SBF2: variants seen among roughly 807,000 people sequenced by gnomAD.
SBF2 encodes the protein myotubularin-related protein 13.
SBF2 carries 112 observed loss-of-function variants against 225.2 expected under a neutral mutation model. That is an observed-to-expected ratio of 0.50 (90% CI 0.43 to 0.58). The LOEUF (loss-of-function observed/expected upper bound fraction) is 0.58, where lower values mean the gene tolerates loss of function less well. Among genes scored for constraint, SBF2 ranks in the 20% least tolerant of loss-of-function variants. The pLI, the probability that SBF2 is intolerant of heterozygous loss-of-function variation, is 0.00. For missense variants in SBF2, 1,996 were observed against 2,206.2 expected, an observed-to-expected ratio of 0.90 and a Z score of 1.91; for synonymous variants, 763 against 773.3, an observed-to-expected ratio of 0.99 and a Z score of 0.22.
intron 6 of SBF2, among the ~76,000 whole-genome samples, chr11:10,009,672 G>C (rs1340097648): frequency 6.6e-6 from 1 of 152,166 alleles, no homozygotes; most frequent in African/African-American, 2.4e-5. Context: ...ATGGACATTT[G>C]GGTGGGTTCC....
intron 16 of SBF2, among the ~76,000 whole-genome samples, chr11:9,941,603 A>G (rs1440654184): frequency 6.6e-6 from 1 of 152,236 alleles, no homozygotes; most frequent in Non-Finnish European, 1.5e-5. Context: ...AAAGCATTTC[A>G]TAAAACTGAC....
At chr11:10,242,778 C>T (rs771244501) in intron 1 of SBF2, among the ~76,000 whole-genome samples, 16 of 151,558 alleles carry the variant, frequency 1.1e-4, no homozygotes, top group Non-Finnish European at 1.9e-4. Context: ...AAAGGGAAAA[C>T]TGAATACAGG....
intron 15 of SBF2, 137 bp from the exon 16 acceptor site, chr11:9,962,243 A>G: frequency 1.5e-6 from 1 of 665,706 alleles, no homozygotes; most frequent in Admixed American, 2.6e-5. Flanking sequence ...CTCCTAGGGA[A>G]TAGGTGATTT....
intron 1 of SBF2, among the ~76,000 whole-genome samples, chr11:10,235,508 CA>C (rs1959033096): frequency 7.6e-6 from 1 of 132,012 alleles, no homozygotes. Flanking sequence ...GCCTGGGCAA[CA>C]AGAGCAAGAC....
chr11:10,129,843 C>A (rs78704144), intron 2 of SBF2, among the ~76,000 whole-genome samples: 11,538 of 151,784 alleles, frequency 0.076, 622 homozygotes, highest in East Asian at 0.28. Context: ...CATCTCTAAA[C>A]AAACAAACAA....
intron 2 of SBF2, among the ~76,000 whole-genome samples, chr11:10,061,896 G>A (rs1053629433): frequency 2.0e-5 from 3 of 152,158 alleles, no homozygotes; most frequent in African/African-American, 7.2e-5. Flanking sequence ...GCAAATCTCA[G>A]CAAAAAGAGC....
chr11:9,934,739 T>C (rs1236664167), intron 16 of SBF2, among the ~76,000 whole-genome samples: 2 of 152,150 alleles, frequency 1.3e-5, no homozygotes, highest in African/African-American at 4.8e-5. Flanking sequence ...GAAAAGGCCT[T>C]TGACAAAATT....
rs147879391 is a variant in SBF2, at chr11:9,790,490, T to G, written c.4698+66A>C. On this transcript the variant is annotated intron_variant, in intron 34 of 39. Transcript: ENST00000256190. ...AAAAAGCTTAAACTGCTTATATATG[T>G]TAAAACTAAGGAAAACCTTAACACA... The G allele has an allele frequency of 1.2e-4, 172 of 1,408,442 alleles. 1 individual carries two copies. In the African/African-American group the frequency reaches 2.0e-3, roughly 17 times the overall value. 87.2% of individuals were successfully genotyped at this position (1,408,442 alleles called of 1,614,324 possible).
intron 2 of SBF2, among the ~76,000 whole-genome samples, chr11:10,192,096 A>G (rs934206263): frequency 3.9e-5 from 6 of 152,160 alleles, no homozygotes; most frequent in African/African-American, 1.4e-4. Context: ...CAATCACACT[A>G]AAAGGGACAT....
chr11:9,990,837 G>A (rs1227636065), intron 12 of SBF2, among the ~76,000 whole-genome samples: 1 of 152,168 alleles, frequency 6.6e-6, no homozygotes, highest in Non-Finnish European at 1.5e-5. Flanking sequence ...AACGACTTTG[G>A]GAGAGTTTGG....
chr11:9,951,709 T>G (rs911364892), intron 16 of SBF2, among the ~76,000 whole-genome samples: 2 of 152,210 alleles, frequency 1.3e-5, no homozygotes, highest in African/African-American at 4.8e-5. Flanking sequence ...TGAGATTATC[T>G]GAGGCAGTAC....
intron 1 of SBF2, among the ~76,000 whole-genome samples, chr11:10,214,840 T>C (rs1958070095): frequency 6.6e-6 from 1 of 152,200 alleles, no homozygotes; most frequent in South Asian, 2.1e-4. Flanking sequence ...ATCTATTTAA[T>C]GGTCCAGGAT....
chr11:9,934,845 T>C (rs1329972508), intron 16 of SBF2, among the ~76,000 whole-genome samples: 1 of 152,082 alleles, frequency 6.6e-6, no homozygotes, highest in East Asian at 1.9e-4. Context: ...CCACAGCCAA[T>C]ATCATACTGA....
At chr11:9,877,329 GATA>G (rs1859339061) in intron 17 of SBF2, among the ~76,000 whole-genome samples, 2 of 152,094 alleles carry the variant, frequency 1.3e-5, no homozygotes, top group Non-Finnish European at 2.9e-5. Flanking sequence ...CTCATTAAGA[GATA>G]ATATTTTTAA....
At chr11:10,213,953 C>T (rs779306903) in intron 1 of SBF2, among the ~76,000 whole-genome samples, 2 of 152,134 alleles carry the variant, frequency 1.3e-5, no homozygotes, top group African/African-American at 2.4e-5. Context: ...GACTCTGAAC[C>T]CGATTTAGAC....
chr11:10,289,889 G>A (rs372725305), intron 1 of SBF2, among the ~76,000 whole-genome samples: 2 of 152,000 alleles, frequency 1.3e-5, no homozygotes, highest in Admixed American at 6.5e-5. Flanking sequence ...GGGAGGCTCC[G>A]GGCCTGAGGG....
At chr11:9,963,988 C>T (rs1866743622) in intron 14 of SBF2, 106 bp from the exon 15 acceptor site, 1 of 689,756 alleles carries the variant, frequency 1.4e-6, no homozygotes, top group Non-Finnish European at 2.5e-6. Context: ...TGGAGGCTCA[C>T]ACCCGTAATC....
intron 2 of SBF2, among the ~76,000 whole-genome samples, chr11:10,134,872 G>A (rs1954273953): frequency 6.6e-6 from 1 of 152,176 alleles, no homozygotes; most frequent in Admixed American, 6.5e-5. Flanking sequence ...CTACCATTCT[G>A]GGATCTGGAG....
intron 1 of SBF2, among the ~76,000 whole-genome samples, chr11:10,233,144 T>G (rs983541742): frequency 1.3e-5 from 2 of 152,244 alleles, no homozygotes; most frequent in African/African-American, 4.8e-5. Context: ...CTAATTTTCA[T>G]ATCTTTTCAT....
Sources: gnomAD v4.1 joint callset for allele counts (sites outside exome capture counted in the v4.1 genomes callset) on GRCh38, gnomAD v4.1.1 for gene constraint, MANE v1.5 for transcripts, NCBI Gene and HGNC (gene_info 2026-07-23, HGNC 2026-07-21) for gene names.